Variants in NTF3 observed in about 807,000 individuals in gnomAD.
The protein encoded by NTF3 is neurotrophin 3, also known as neurotrophin-3.
Under a neutral mutation model 26.3 loss-of-function variants are expected in NTF3, and 8 were observed. The ratio of observed to expected loss-of-function variants is 0.30; its 90% confidence interval spans 0.18 to 0.55. NTF3 has a LOEUF of 0.55. Ranked by LOEUF, NTF3 falls within the 20% of genes least tolerant of loss-of-function variation. The probability of loss-of-function intolerance (pLI) is 0.93; values close to 1 mark genes in which losing one functional copy is unlikely to be tolerated. For missense variants in NTF3, 276 were observed against 352.9 expected (o/e 0.78, Z 1.75); for synonymous variants, 154 against 145.5 (o/e 1.06, Z -0.42).
intron 1 of NTF3, among the ~76,000 whole-genome samples, chr12:5,443,067 C>T (rs1198872753): frequency 6.6e-6 from 1 of 152,268 alleles, no homozygotes; most frequent in South Asian, 2.1e-4. Context: ...CAATATGGGT[C>T]TCCTTTTAGC....
At chr12:5,492,167 C>G (rs1940946035) in intron 1 of NTF3, among the ~76,000 whole-genome samples, 1 of 152,190 alleles carries the variant, frequency 6.6e-6, no homozygotes, top group African/African-American at 2.4e-5. Context: ...TTTTCCTCCT[C>G]AATCCATCAG....
intron 1 of NTF3, among the ~76,000 whole-genome samples, chr12:5,468,120 G>A (rs975865031): frequency 2.0e-5 from 3 of 152,078 alleles, no homozygotes; most frequent in Admixed American, 6.5e-5. Flanking sequence ...CAGTCTCTTC[G>A]ATGCTATCAA....
At chr12:5,437,966 T>C (rs566608524) in intron 1 of NTF3, among the ~76,000 whole-genome samples, 1 of 152,300 alleles carries the variant, frequency 6.6e-6, no homozygotes, top group East Asian at 1.9e-4. Context: ...GGGTGGCAGG[T>C]ATCTGGATGC....
At chr12:5,436,511 T>C (rs184590854) in intron 1 of NTF3, among the ~76,000 whole-genome samples, 13 of 152,308 alleles carry the variant, frequency 8.5e-5, no homozygotes, top group Non-Finnish European at 1.3e-4. Context: ...GTTTCTCTTT[T>C]TGTAAAGGGG....
intron 1 of NTF3, among the ~76,000 whole-genome samples, chr12:5,466,567 A>G (rs1940592615): frequency 6.6e-6 from 1 of 152,228 alleles, no homozygotes; most frequent in Non-Finnish European, 1.5e-5. Flanking sequence ...GCAAACACTC[A>G]TGCTTGAGGG....
intron 1 of NTF3, among the ~76,000 whole-genome samples, chr12:5,436,532 A>G (rs550627406): frequency 1.4e-4 from 21 of 152,154 alleles, no homozygotes; most frequent in Admixed American, 5.2e-4. Flanking sequence ...CAATATAATG[A>G]CTCAAGGAGA....
At chr12:5,478,467 C>T (rs992881185) in intron 1 of NTF3, among the ~76,000 whole-genome samples, 8 of 141,430 alleles carry the variant, frequency 5.7e-5, no homozygotes, top group African/African-American at 2.0e-4. Flanking sequence ...TGACTACAGT[C>T]GGCAGGGATC....
intron 1 of NTF3, among the ~76,000 whole-genome samples, chr12:5,483,899 T>G (rs756316662): frequency 1.3e-5 from 2 of 152,086 alleles, no homozygotes; most frequent in Non-Finnish European, 2.9e-5. Context: ...ATGAGGAAGG[T>G]GGATGCCAAT....
At chr12:5,447,348 G>A (rs1003187555) in intron 1 of NTF3, among the ~76,000 whole-genome samples, 7 of 152,192 alleles carry the variant, frequency 4.6e-5, no homozygotes, top group African/African-American at 1.7e-4. Flanking sequence ...ATTAAGGACT[G>A]TTAGGTACAA....
chr12:5,456,903 T>C lies in NTF3; in HGVS notation c.18+24561T>C, dbSNP rs1940459327. Among the ~76,000 whole-genome samples, 1 of 152,074 alleles carries C rather than the reference T, an allele frequency of 6.6e-6. No homozygotes were observed. Among genetic ancestry groups the C allele is most frequent in the African/African-American group, 2.4e-5 (1 of 41,416 alleles). ...TACCATGAGTGTGCTGAGTGGCCCA[T>C]AGGGGCAGGTATGAGAGAGGTGCTG... On this transcript the variant is annotated intron_variant, in intron 1 of 1. Coordinates refer to ENST00000423158, the MANE Select transcript of NTF3 (RefSeq NM_001102654.2). The surrounding 1 kb of genome is among the most constrained non-coding windows in gnomAD (Gnocchi z 4.4).
intron 1 of NTF3, among the ~76,000 whole-genome samples, chr12:5,484,216 C>G (rs1199973068): frequency 6.6e-6 from 1 of 152,172 alleles, no homozygotes; most frequent in Non-Finnish European, 1.5e-5. Context: ...TGGTTTTGGG[C>G]AAGTCACTTC....
chr12:5,434,429 C>T (rs755951796), intron 1 of NTF3, among the ~76,000 whole-genome samples: 7 of 150,800 alleles, frequency 4.6e-5, no homozygotes, highest in Non-Finnish European at 1.0e-4. Flanking sequence ...GAGATTGTGA[C>T]CATTGAGTGA....
At chr12:5,469,046 A>AG (rs1402272073) in intron 1 of NTF3, among the ~76,000 whole-genome samples, 1 of 151,830 alleles carries the variant, frequency 6.6e-6, no homozygotes, top group African/African-American at 2.4e-5. Flanking sequence ...GCTTGAGCCT[A>AG]GGGGGTCGAG....
chr12:5,435,148 T>C (rs961937234), intron 1 of NTF3, among the ~76,000 whole-genome samples: 2 of 152,158 alleles, frequency 1.3e-5, no homozygotes, highest in African/African-American at 4.8e-5. Flanking sequence ...CTGAAGTAAG[T>C]AGAGGAATGC....
In NTF3 at chr12:5,494,259, C is replaced by T. The variant is rs1193960653; in HGVS notation, c.84C>T (p.Gly28=). Reference sequence around the variant, plus strand: ...TGATATTTCTCGCTTATCTCCGTGGCATCCAAGGTAACAACATGGATCAAA... The same window carrying T: ...TGATATTTCTCGCTTATCTCCGTGGTATCCAAGGTAACAACATGGATCAAA... The part of the protein sequence containing the change: ...FYVIFLAYLR[G]IQGNNMDQRS... The change falls in exon 2 of 2, where the codon GGC becomes GGT. Residue 28 remains glycine, a synonymous_variant. Coordinates refer to ENST00000423158, the MANE Select transcript of NTF3 (RefSeq NM_001102654.2). The surrounding 1 kb of genome is among the most constrained non-coding windows in gnomAD (Gnocchi z 8.3). The T allele has an allele frequency of 3.7e-6, 6 of 1,614,010 alleles. No homozygotes were observed. The highest frequency in any genetic ancestry group is 5.1e-6 in the Non-Finnish European group (6 of 1,180,024).
intron 1 of NTF3, among the ~76,000 whole-genome samples, chr12:5,437,895 G>A: frequency 6.6e-6 from 1 of 152,188 alleles, no homozygotes; most frequent in East Asian, 1.9e-4. Flanking sequence ...GTGCGTGCTG[G>A]GGGACACGTG....
intron 1 of NTF3, 47 bp downstream of exon 1, chr12:5,432,389 G>A: frequency 1.2e-6 from 2 of 1,601,490 alleles, no homozygotes; most frequent in Non-Finnish European, 1.7e-6. Flanking sequence ...TTGGGGATGG[G>A]GGTCCACGTG....
intron 1 of NTF3, among the ~76,000 whole-genome samples, chr12:5,492,831 C>G (rs1421812266): frequency 6.6e-6 from 1 of 152,192 alleles, no homozygotes; most frequent in Non-Finnish European, 1.5e-5. Flanking sequence ...CACTGGCAGG[C>G]TCAGACATAG....
At chr12:5,432,556 T>TACACACACAC (rs57075143) in intron 1 of NTF3, among the ~76,000 whole-genome samples, 6 of 123,996 alleles carry the variant, frequency 4.8e-5, no homozygotes, top group Non-Finnish European at 6.7e-5. Context: ...GCCACCCCGC[T>TACACACACAC]ACACACACAC....
Sources: gnomAD v4.1 joint callset for allele counts (sites outside exome capture counted in the v4.1 genomes callset) on GRCh38, gnomAD v4.1.1 for gene constraint, Gnocchi (gnomAD v3.1) non-coding constraint, MANE v1.5 for transcripts, NCBI Gene and HGNC (gene_info 2026-07-23, HGNC 2026-07-21) for gene names.